GRIA3: variants seen among roughly 807,000 people sequenced by gnomAD.
The protein encoded by GRIA3 is glutamate ionotropic receptor AMPA type subunit 3.
GRIA3 carries 3 observed loss-of-function variants against 63.0 expected under a neutral mutation model. The observed-to-expected ratio is 0.05, with a 90% CI of 0.02 to 0.12. The LOEUF (loss-of-function observed/expected upper bound fraction) is 0.12. Ranked by LOEUF, GRIA3 falls within the 10% of genes least tolerant of loss-of-function variation. The pLI is 1.00. For synonymous variants in GRIA3, 274 were observed against 257.9 expected (o/e 1.06, Z -0.60); for missense variants, 347 against 700.9 (o/e 0.50, Z 5.70).
chrX:123,417,059 A>G (rs771326313), intron 10 of GRIA3, among the ~76,000 whole-genome samples: 21 of 112,248 alleles, frequency 1.9e-4, no homozygotes, highest in South Asian at 1.9e-3. Context: ...AAATTAAAAT[A>G]AGAAAACGAG....
At chrX:123,458,096 G>C (rs1243645276) in intron 12 of GRIA3, among the ~76,000 whole-genome samples, 1 of 110,425 alleles carries the variant, frequency 9.1e-6, no homozygotes, top group East Asian at 2.9e-4. Context: ...GTCGGGAAGA[G>C]AGCATACTGA....
intron 12 of GRIA3, among the ~76,000 whole-genome samples, chrX:123,461,294 G>C (rs1359257801): frequency 8.9e-6 from 1 of 111,823 alleles, no homozygotes; most frequent in Non-Finnish European, 1.9e-5. Flanking sequence ...CAAGTAACAG[G>C]GGAAGACAGA....
intron 4 of GRIA3, among the ~76,000 whole-genome samples, chrX:123,332,320 TAACA>T (rs887534303): frequency 4.5e-5 from 5 of 111,984 alleles, no homozygotes; most frequent in Non-Finnish European, 9.4e-5. Flanking sequence ...GCATTTTTAA[TAACA>T]AATATATATG....
chrX:123,364,677 T>C (rs1440951965), intron 5 of GRIA3, among the ~76,000 whole-genome samples: 1 of 112,590 alleles, frequency 8.9e-6, no homozygotes, highest in Admixed American at 9.4e-5. Flanking sequence ...TTATGTTTAC[T>C]GCAGCACTAT....
At chrX:123,191,650 G>T (rs1310593248) in intron 2 of GRIA3, among the ~76,000 whole-genome samples, 1 of 110,529 alleles carries the variant, frequency 9.0e-6, no homozygotes, top group Non-Finnish European at 1.9e-5. Context: ...CCTGATTCTA[G>T]CATCCCATCC....
At chrX:123,443,058 G>A (rs751466797) in intron 12 of GRIA3, among the ~76,000 whole-genome samples, 6 of 111,045 alleles carry the variant, frequency 5.4e-5, no homozygotes, top group East Asian at 5.7e-4. Context: ...AGGGACCAGT[G>A]GGAGATAATT....
chrX:123,188,444 C>T lies in GRIA3; in HGVS notation c.268+2454C>T, dbSNP rs193091947. ...TTAATTGTTCTTTTTCTTGTGGAAG[C>T]GGAGATCAAATATTTCCAACTGGGT... On this transcript the variant is annotated intron_variant, in intron 2 of 15. Coordinates refer to ENST00000620443, the MANE Select transcript of GRIA3 (RefSeq NM_007325.5). 3.6e-5 allele frequency among the ~76,000 whole-genome samples: 4 copies of T among 111,343 alleles called. No homozygotes were observed. The East Asian group carries it at 1.1e-3, about 32-fold the overall frequency.
At chrX:123,243,657 C>T (rs2044342507) in intron 2 of GRIA3, among the ~76,000 whole-genome samples, 1 of 112,208 alleles carries the variant, frequency 8.9e-6, no homozygotes, top group South Asian at 3.7e-4. Context: ...GATAATCACA[C>T]ATTGGTATGA....
chrX:123,223,311 A>G (rs1191826954), intron 2 of GRIA3, among the ~76,000 whole-genome samples: 1 of 112,860 alleles, frequency 8.9e-6, no homozygotes, highest in Non-Finnish European at 1.9e-5. Context: ...TAAGGTATCA[A>G]TTTAACATAC....
intron 4 of GRIA3, among the ~76,000 whole-genome samples, chrX:123,349,026 T>C (rs1479982349): frequency 8.9e-6 from 1 of 112,149 alleles, no homozygotes; most frequent in East Asian, 2.8e-4. Context: ...ATACATTCTA[T>C]TTTCATACAG....
intron 2 of GRIA3, among the ~76,000 whole-genome samples, chrX:123,239,231 G>C (rs371262051): frequency 2.7e-5 from 3 of 109,797 alleles, no homozygotes; most frequent in East Asian, 5.8e-4. Flanking sequence ...CATTCTCCTA[G>C]AGGACAACTA....
chrX:123,283,656 T>G (rs2044600309), intron 3 of GRIA3, among the ~76,000 whole-genome samples: 1 of 111,933 alleles, frequency 8.9e-6, no homozygotes, highest in Admixed American at 9.4e-5. Flanking sequence ...CAGAGCCCAC[T>G]GCAGCTTGGC....
intron 2 of GRIA3, among the ~76,000 whole-genome samples, chrX:123,237,472 G>A (rs1444403737): frequency 8.9e-6 from 1 of 112,102 alleles, no homozygotes; most frequent in Non-Finnish European, 1.9e-5. Context: ...ATAAGACAGA[G>A]TGTGCTCAGT....
At chrX:123,318,037 G>A (rs750845412) in intron 3 of GRIA3, among the ~76,000 whole-genome samples, 10 of 112,681 alleles carry the variant, frequency 8.9e-5, no homozygotes, top group Non-Finnish European at 1.5e-4. Flanking sequence ...ACACCACATG[G>A]AAGCCGCCAA....
chrX:123,457,675 T>G (rs982327701), intron 12 of GRIA3, among the ~76,000 whole-genome samples: 4 of 112,202 alleles, frequency 3.6e-5, no homozygotes, highest in African/African-American at 9.7e-5. Flanking sequence ...GACAGTAAAT[T>G]AATAGCATAA....
chrX:123,437,860 T>G (rs1359322813), intron 12 of GRIA3, among the ~76,000 whole-genome samples: 1 of 112,026 alleles, frequency 8.9e-6, no homozygotes, highest in Non-Finnish European at 1.9e-5. Context: ...GTTAGCTGTC[T>G]GAAGGGAAGA....
chrX:123,349,840 G>C (rs992846572), intron 4 of GRIA3, among the ~76,000 whole-genome samples: 1 of 112,058 alleles, frequency 8.9e-6, no homozygotes, highest in Non-Finnish European at 1.9e-5. Flanking sequence ...GAAGACTCAG[G>C]CAATTTAGTA....
intron 15 of GRIA3, among the ~76,000 whole-genome samples, chrX:123,484,524 A>G (rs2045930966): frequency 8.9e-6 from 1 of 111,827 alleles, no homozygotes; most frequent in Non-Finnish European, 1.9e-5. Flanking sequence ...TCTATCGCCC[A>G]GGCTGGAGTG....
intron 3 of GRIA3, among the ~76,000 whole-genome samples, chrX:123,255,716 T>A (rs754754122): frequency 9.2e-6 from 1 of 108,891 alleles, no homozygotes; most frequent in East Asian, 2.9e-4. Flanking sequence ...TTTGGACAAG[T>A]CTATGGTCTT....
Sources: allele counts gnomAD v4.1 joint callset (sites outside exome capture counted in the v4.1 genomes callset), GRCh38; gene constraint gnomAD v4.1.1; transcripts MANE v1.5; gene names NCBI Gene and HGNC (gene_info 2026-07-23, HGNC 2026-07-21).